Variants in ANTXR1 observed in about 807,000 individuals in gnomAD.
ANTXR1 encodes anthrax toxin receptor 1.
A neutral mutation model predicts 78.1 loss-of-function variants in ANTXR1; 19 were observed. The observed-to-expected ratio is 0.24, with a 90% CI of 0.17 to 0.36. The LOEUF is 0.36. Ranked by LOEUF, ANTXR1 falls within the 10% of genes least tolerant of loss-of-function variation. ANTXR1 has a pLI of 1.00. For synonymous variants in ANTXR1, 273 were observed against 260.5 expected (o/e 1.05, Z -0.46); for missense variants, 518 against 718.6 (o/e 0.72, Z 3.19).
chr2:69,105,512 G>T (rs1346112046), intron 10 of ANTXR1, among the ~76,000 whole-genome samples: 1 of 152,196 alleles, frequency 6.6e-6, no homozygotes, highest in African/African-American at 2.4e-5. Context: ...TTTCCATGGA[G>T]AAAATAATAT....
intron 12 of ANTXR1, chr2:69,145,361 T>C: frequency 1.3e-6 from 2 of 1,599,794 alleles, no homozygotes; most frequent in Non-Finnish European, 1.7e-6. Context: ...CCACAACAGC[T>C]GCTTGCATGG....
intron 12 of ANTXR1, among the ~76,000 whole-genome samples, chr2:69,127,636 A>G (rs1217566064): frequency 6.6e-6 from 1 of 152,160 alleles, no homozygotes; most frequent in Non-Finnish European, 1.5e-5. Flanking sequence ...GCAATATTTC[A>G]GGCAAAAGGT....
chr2:69,221,899 G>A (rs80027765), intron 17 of ANTXR1, among the ~76,000 whole-genome samples: 7,447 of 151,792 alleles, frequency 0.049, 637 homozygotes, highest in African/African-American at 0.17. Flanking sequence ...AATTTAAGAG[G>A]AGAGAGAGAG....
chr2:69,112,163 A>G (rs1672011039), intron 10 of ANTXR1, among the ~76,000 whole-genome samples: 1 of 152,134 alleles, frequency 6.6e-6, no homozygotes, highest in Non-Finnish European at 1.5e-5. Flanking sequence ...CCGCCAAGTG[A>G]TAGCAGCTAC....
chr2:69,145,550 G>A, intron 12 of ANTXR1: 10 of 1,413,436 alleles, frequency 7.1e-6, no homozygotes, highest in Non-Finnish European at 9.2e-6. Context: ...GGAGGGACAG[G>A]AAACGTTCCC....
intron 14 of ANTXR1, among the ~76,000 whole-genome samples, chr2:69,179,372 C>G (rs909402239): frequency 2.0e-5 from 3 of 151,870 alleles, no homozygotes; most frequent in Non-Finnish European, 4.4e-5. Flanking sequence ...TATGGCAAAA[C>G]CCCATCTTTA....
At chr2:69,051,731 T>C (rs1248325663) in intron 3 of ANTXR1, among the ~76,000 whole-genome samples, 1 of 152,092 alleles carries the variant, frequency 6.6e-6, no homozygotes, top group African/African-American at 2.4e-5. Context: ...ATTTTGCATT[T>C]TCCACCATGA....
intron 17 of ANTXR1, 44 bp downstream of exon 17, chr2:69,193,459 T>TCTAA: frequency 9.6e-7 from 1 of 1,044,078 alleles, no homozygotes; most frequent in South Asian, 1.3e-5. Context: ...TCTCTCTCTC[T>TCTAA]CACATACACA....
At chr2:69,192,440 T>C (rs1674565368) in intron 16 of ANTXR1, among the ~76,000 whole-genome samples, 1 of 152,156 alleles carries the variant, frequency 6.6e-6, no homozygotes. Context: ...ACCTAATCAC[T>C]GTGACTCTGC....
At chr2:69,161,846 G>A (rs1673691063) in intron 13 of ANTXR1, among the ~76,000 whole-genome samples, 1 of 152,148 alleles carries the variant, frequency 6.6e-6, no homozygotes, top group Non-Finnish European at 1.5e-5. Flanking sequence ...GGCTTCTCAT[G>A]CAGAATTTAA....
At chr2:69,061,015 T>C (rs4482523) in intron 3 of ANTXR1, among the ~76,000 whole-genome samples, 13,302 of 152,094 alleles carry the variant, frequency 0.087, 1,939 homozygotes, top group African/African-American at 0.3. Flanking sequence ...TGGCAAATGA[T>C]ATGGCACTGT....
At chr2:69,100,593 G>A (rs1163220883) in intron 9 of ANTXR1, among the ~76,000 whole-genome samples, 1 of 152,182 alleles carries the variant, frequency 6.6e-6, no homozygotes, top group African/African-American at 2.4e-5. Context: ...TTTGGCATGT[G>A]GCCTGCATTT....
chr2:69,242,067 G>A (rs1477109690), intron 17 of ANTXR1, among the ~76,000 whole-genome samples: 1 of 152,090 alleles, frequency 6.6e-6, no homozygotes, highest in Non-Finnish European at 1.5e-5. Context: ...GGGAGTGAGG[G>A]GAGGGTCTAT....
intron 12 of ANTXR1, among the ~76,000 whole-genome samples, chr2:69,137,871 G>C (rs1475242408): frequency 6.6e-6 from 1 of 151,622 alleles, no homozygotes; most frequent in Admixed American, 6.6e-5. Context: ...ATCACCTGGG[G>C]TCAGGAGTTC....
At chr2:69,129,296 A>T (rs912241491) in intron 12 of ANTXR1, among the ~76,000 whole-genome samples, 9 of 152,216 alleles carry the variant, frequency 5.9e-5, no homozygotes, top group Admixed American at 1.3e-4. Flanking sequence ...TTTCATGAAG[A>T]TTGTTTTCTT....
chr2:69,015,019 C>T (rs1034341429), intron 1 of ANTXR1, among the ~76,000 whole-genome samples: 3 of 151,476 alleles, frequency 2.0e-5, no homozygotes, highest in East Asian at 1.9e-4. Flanking sequence ...CGGAGGTGCT[C>T]CTCCTCCGTG....
intron 9 of ANTXR1, among the ~76,000 whole-genome samples, chr2:69,096,766 C>G (rs936243915): frequency 6.6e-6 from 1 of 152,120 alleles, no homozygotes; most frequent in East Asian, 1.9e-4. Flanking sequence ...AACACTGAAC[C>G]TGTATTTATT....
chr2:69,116,527 A>G (rs188045907), intron 10 of ANTXR1, among the ~76,000 whole-genome samples: 24 of 152,256 alleles, frequency 1.6e-4, no homozygotes, highest in Admixed American at 1.6e-3. Flanking sequence ...ACCAGCTGAT[A>G]ATTTGGTGCT....
rs1439068171 is a variant in ANTXR1 at position 69,245,371 on chromosome 2, C to G, written c.1581C>G (p.Ser527Arg). The G allele has an allele frequency of 1.3e-6, 2 of 1,508,900 alleles. No individual in the cohort carries two copies. The highest frequency in any genetic ancestry group is 1.5e-5 in the African/African-American group (1 of 66,818). The allele number at this position is 1,508,900 out of a possible 1,614,324, so 93.5% of individuals were successfully genotyped here. A position where few individuals can be genotyped will look rare whatever the true frequency, so the allele number is the denominator to read the frequency against. The change falls in exon 18 of 18, where the codon AGC becomes AGG. Residue 527 changes from serine (S) to arginine (R), a missense_variant. Ser to Arg is a moderately radical substitution (Grantham distance 110). Transcript: ENST00000303714. ...PAPHCPPPPPSAPTPPIPSPP... is the reference protein window; with the variant it reads ...PAPHCPPPPPRAPTPPIPSPP... The stretch of plus-strand genomic sequence containing the variant: ...CCCACTGCCCTCCCCCGCCCCCCAG[C>G]GCCCCTACCCCTCCCATCCCGTCCC...
Sources: allele counts gnomAD v4.1 joint callset (sites outside exome capture counted in the v4.1 genomes callset), GRCh38; gene constraint gnomAD v4.1.1; transcripts MANE v1.5; gene names NCBI Gene and HGNC (gene_info 2026-07-23, HGNC 2026-07-21).